PRORP: variants seen among roughly 807,000 people sequenced by gnomAD.
PRORP encodes the protein mitochondrial ribonuclease P catalytic subunit.
A neutral mutation model predicts 59.4 loss-of-function variants in PRORP; 51 were observed. The observed-to-expected ratio is 0.86, with a 90% CI of 0.69 to 1.08. PRORP has a LOEUF of 1.08. Among genes scored for constraint, PRORP ranks in the 50% least tolerant of loss-of-function variants. PRORP has a pLI of 0.00. For synonymous variants in PRORP, 231 were observed against 245.6 expected (o/e 0.94, Z 0.55); for missense variants, 646 against 690.3 (o/e 0.94, Z 0.72).
intron 5 of PRORP, among the ~76,000 whole-genome samples, chr14:35,252,732 C>G (rs900053731): frequency 6.6e-6 from 1 of 152,172 alleles, no homozygotes; most frequent in South Asian, 2.1e-4. Context: ...CAATGACTTG[C>G]CTCCTGTTGC....
intron 5 of PRORP, among the ~76,000 whole-genome samples, chr14:35,210,019 A>G (rs2049398287): frequency 6.6e-6 from 1 of 152,250 alleles, no homozygotes; most frequent in Admixed American, 6.5e-5. Flanking sequence ...TATCAAAATA[A>G]AAAACACATG....
chr14:35,205,323 A>T (rs564758913), intron 5 of PRORP, among the ~76,000 whole-genome samples: 1 of 152,204 alleles, frequency 6.6e-6, no homozygotes, highest in African/African-American at 2.4e-5. Context: ...CTGGGATTAC[A>T]GGCTAATGCC....
chr14:35,252,964 C>A (rs1322268576), intron 5 of PRORP, among the ~76,000 whole-genome samples: 1 of 152,164 alleles, frequency 6.6e-6, no homozygotes, highest in Non-Finnish European at 1.5e-5. Context: ...ATATCTTCAG[C>A]CTCTACCTTG....
At chr14:35,266,976 G>T in intron 6 of PRORP, 101 bp downstream of exon 6, 5 of 1,040,998 alleles carry the variant, frequency 4.8e-6, no homozygotes, top group Admixed American at 2.7e-5. Flanking sequence ...ATGTGTATGT[G>T]TATACTCACC....
chr14:35,205,561 A>G (rs938016400), intron 5 of PRORP, among the ~76,000 whole-genome samples: 3 of 152,084 alleles, frequency 2.0e-5, no homozygotes. Flanking sequence ...GGCTCAAGCA[A>G]TCCTCCCACC....
intron 4 of PRORP, among the ~76,000 whole-genome samples, chr14:35,174,082 A>C (rs2048384467): frequency 1.3e-5 from 2 of 152,306 alleles, no homozygotes; most frequent in South Asian, 4.1e-4. Flanking sequence ...CAGAAATCAC[A>C]TAATGTCACT....
At chr14:35,228,278 T>G (rs1362779057) in intron 5 of PRORP, among the ~76,000 whole-genome samples, 1 of 152,236 alleles carries the variant, frequency 6.6e-6, no homozygotes, top group South Asian at 2.1e-4. Flanking sequence ...CATGTAACTC[T>G]GAATAAATAT....
At chr14:35,258,443 T>C (rs757032921) in intron 5 of PRORP, among the ~76,000 whole-genome samples, 16 of 152,010 alleles carry the variant, frequency 1.1e-4, no homozygotes, top group Non-Finnish European at 1.8e-4. Flanking sequence ...AAAAATAATT[T>C]TGTGAAAAGG....
At chr14:35,139,158 T>C (rs954943594) in intron 4 of PRORP, among the ~76,000 whole-genome samples, 1 of 145,870 alleles carries the variant, frequency 6.9e-6, no homozygotes, top group Non-Finnish European at 1.5e-5. Context: ...GGTCTCACTG[T>C]GTTGCTCAGG....
At chr14:35,147,297 G>A (rs2047635339) in intron 4 of PRORP, among the ~76,000 whole-genome samples, 1 of 152,152 alleles carries the variant, frequency 6.6e-6, no homozygotes, top group Non-Finnish European at 1.5e-5. Flanking sequence ...GGTGGCTGCT[G>A]ACTGATCAAA....
chr14:35,166,537 C>A, intron 4 of PRORP, among the ~76,000 whole-genome samples: 1 of 150,558 alleles, frequency 6.6e-6, no homozygotes, highest in East Asian at 2.0e-4. Flanking sequence ...GCAACCTCTG[C>A]CTCCTGGATT....
chr14:35,217,682 T>C, intron 5 of PRORP, among the ~76,000 whole-genome samples: 1 of 152,124 alleles, frequency 6.6e-6, no homozygotes, highest in Non-Finnish European at 1.5e-5. Context: ...GTCCTGGCAC[T>C]ATTTGTTGAA....
At chr14:35,201,490 C>T (rs1194572953) in intron 5 of PRORP, among the ~76,000 whole-genome samples, 1 of 152,050 alleles carries the variant, frequency 6.6e-6, no homozygotes, top group Non-Finnish European at 1.5e-5. Context: ...TAATCTAATA[C>T]TGCTTATTTT....
At chr14:35,145,985 C>A (rs1334949794) in intron 4 of PRORP, among the ~76,000 whole-genome samples, 2 of 151,684 alleles carry the variant, frequency 1.3e-5, no homozygotes, top group Non-Finnish European at 2.9e-5. Flanking sequence ...CCTGCCACCA[C>A]ACCCGGCTAA....
intron 4 of PRORP, 128 bp from the exon 5 acceptor site, chr14:35,180,542 G>GTGTA: frequency 1.6e-6 from 1 of 611,252 alleles, no homozygotes; most frequent in East Asian, 2.8e-5. Flanking sequence ...GTGTGTGTGT[G>GTGTA]TGTGTGTGTA....
chr14:35,129,700 C>T (rs1460157900), intron 4 of PRORP, among the ~76,000 whole-genome samples: 11 of 151,872 alleles, frequency 7.2e-5, no homozygotes, highest in Non-Finnish European at 1.5e-4. Flanking sequence ...AGGCTGGCCT[C>T]GAACTCCTGA....
chr14:35,200,039 G>A (rs897444881), intron 5 of PRORP, among the ~76,000 whole-genome samples: 14 of 152,114 alleles, frequency 9.2e-5, no homozygotes, highest in South Asian at 2.1e-4. Flanking sequence ...ACAGCCATTC[G>A]TCTTCAAATG....
intron 4 of PRORP, among the ~76,000 whole-genome samples, chr14:35,166,035 T>G (rs940758733): frequency 2.0e-5 from 3 of 152,078 alleles, no homozygotes; most frequent in African/African-American, 7.2e-5. Flanking sequence ...AAAAAAAGAT[T>G]CTTCTTCTTT....
intron 5 of PRORP, among the ~76,000 whole-genome samples, chr14:35,250,919 G>C (rs966935854): frequency 5.3e-5 from 8 of 151,926 alleles, no homozygotes; most frequent in African/African-American, 1.9e-4. Flanking sequence ...GTGGTGTTTG[G>C]TTCATGATTG....
Sources: gnomAD v4.1 joint callset for allele counts (sites outside exome capture counted in the v4.1 genomes callset) on GRCh38, gnomAD v4.1.1 for gene constraint, MANE v1.5 for transcripts, NCBI Gene and HGNC (gene_info 2026-07-23, HGNC 2026-07-21) for gene names.